Variants in FMN1 observed in about 807,000 individuals in gnomAD.
FMN1 encodes the protein formin 1.
FMN1 carries 110 observed loss-of-function variants against 132.4 expected under a neutral mutation model. The observed-to-expected ratio is 0.83, with a 90% CI of 0.71 to 0.97. The LOEUF (loss-of-function observed/expected upper bound fraction) is 0.97. Among genes scored for constraint, FMN1 ranks in the 50% least tolerant of loss-of-function variants. The probability of loss-of-function intolerance (pLI) is 0.00; values close to 1 mark genes in which losing one functional copy is unlikely to be tolerated. For missense variants in FMN1, 1,792 were observed against 1,705.3 expected (o/e 1.05, Z -0.90); for synonymous variants, 722 against 651.7 (o/e 1.11, Z -1.64).
intron 12 of FMN1, among the ~76,000 whole-genome samples, chr15:32,907,537 C>A (rs895198430): frequency 1.3e-5 from 2 of 151,624 alleles, no homozygotes; most frequent in Non-Finnish European, 2.9e-5. Context: ...CAGTCTGTGG[C>A]CCAGGGGTTG....
chr15:32,813,444 A>C (rs1224975233), intron 17 of FMN1, among the ~76,000 whole-genome samples: 1 of 152,134 alleles, frequency 6.6e-6, no homozygotes, highest in Non-Finnish European at 1.5e-5. Flanking sequence ...ATATATTTTC[A>C]CTAGAGATGA....
At chr15:33,157,016 C>T (rs756138264) in intron 3 of FMN1, among the ~76,000 whole-genome samples, 2 of 152,008 alleles carry the variant, frequency 1.3e-5, no homozygotes, top group Non-Finnish European at 2.9e-5. Flanking sequence ...GCCTGTAATC[C>T]CAGCACTTTG....
intron 6 of FMN1, among the ~76,000 whole-genome samples, chr15:33,027,431 C>T (rs1282670282): frequency 1.6e-4 from 25 of 152,148 alleles, no homozygotes; most frequent in Admixed American, 1.2e-3. Context: ...ACTCTAGGAA[C>T]TCTTAAGTAT....
chr15:32,935,789 A>G (rs2061253805), intron 9 of FMN1, among the ~76,000 whole-genome samples: 1 of 151,824 alleles, frequency 6.6e-6, no homozygotes, highest in East Asian at 1.9e-4. Flanking sequence ...CACCCCACAC[A>G]GCTAATTTTT....
chr15:32,765,725 G>T lies in FMN1; in HGVS notation c.*8585C>A, dbSNP rs1009014902. On this transcript the variant is annotated 3_prime_UTR_variant, in exon 21 of 21. Transcript: ENST00000616417. Reference sequence around the variant, plus strand: ...AGAATTTTTTGAATAGACAATTGACGTTTTTCTAATCAATATATATTATGT... The same window carrying T: ...AGAATTTTTTGAATAGACAATTGACTTTTTTCTAATCAATATATATTATGT... 6.6e-6 allele frequency: 1 copy of T among 151,944 alleles called. No individual in the cohort carries two copies. The highest frequency in any genetic ancestry group is 1.5e-5 in the Non-Finnish European group (1 of 67,996). 9.4% of individuals were successfully genotyped at this position (151,944 alleles called of 1,614,324 possible).
At chr15:33,118,252 G>T (rs116980703) in intron 4 of FMN1, among the ~76,000 whole-genome samples, 2 of 152,062 alleles carry the variant, frequency 1.3e-5, no homozygotes, top group Non-Finnish European at 2.9e-5. Context: ...CAATTATATC[G>T]TAAGAGATTT....
intron 6 of FMN1, among the ~76,000 whole-genome samples, chr15:33,056,108 A>G (rs183574942): frequency 4.7e-4 from 71 of 152,328 alleles, no homozygotes; most frequent in African/African-American, 1.6e-3. Flanking sequence ...GGATGTATAA[A>G]CTGATAAAAA....
chr15:33,070,422 A>G (rs926240706), intron 5 of FMN1, among the ~76,000 whole-genome samples: 1 of 148,478 alleles, frequency 6.7e-6, no homozygotes, highest in African/African-American at 2.5e-5. Flanking sequence ...GAAAAGACTC[A>G]ATTTCTCAGA....
intron 9 of FMN1, among the ~76,000 whole-genome samples, chr15:32,944,983 TTTAGACTTCTAG>T (rs748276286): frequency 6.6e-6 from 1 of 152,188 alleles, no homozygotes; most frequent in Non-Finnish European, 1.5e-5. Flanking sequence ...CAGCTTTGAT[TTTAGACTTCTAG>T]ACTCTAGAAT....
chr15:32,993,784 T>A (rs1279569841), intron 7 of FMN1, among the ~76,000 whole-genome samples: 1 of 151,356 alleles, frequency 6.6e-6, no homozygotes, highest in Non-Finnish European at 1.5e-5. Context: ...GAGCGTAAAT[T>A]CTCTCTTGAC....
chr15:32,805,631 A>AAAG (rs1354506215), intron 17 of FMN1, among the ~76,000 whole-genome samples: 10 of 152,352 alleles, frequency 6.6e-5, no homozygotes, highest in African/African-American at 1.4e-4. Flanking sequence ...GATACTTTTG[A>AAAG]GAGTAATGTT....
intron 4 of FMN1, among the ~76,000 whole-genome samples, chr15:33,128,600 C>T (rs2444959): frequency 0.89 from 135,520 of 152,252 alleles, 60,443 homozygotes; most frequent in East Asian, 0.97. Context: ...ACTTCACAAA[C>T]ATACCCGCGG....
chr15:32,826,451 A>T (rs1313362889), intron 17 of FMN1, among the ~76,000 whole-genome samples: 11 of 152,340 alleles, frequency 7.2e-5, no homozygotes, highest in Non-Finnish European at 1.5e-4. Flanking sequence ...TATGCTCAGA[A>T]ACTGATGGAA....
chr15:32,955,433 C>G (rs2061743622), intron 9 of FMN1, among the ~76,000 whole-genome samples: 1 of 152,128 alleles, frequency 6.6e-6, no homozygotes, highest in East Asian at 1.9e-4. Context: ...ATGATCTTTC[C>G]CTATTCTTGT....
chr15:33,170,469 T>C (rs1213917658), intron 3 of FMN1, among the ~76,000 whole-genome samples: 1 of 151,976 alleles, frequency 6.6e-6, no homozygotes, highest in Non-Finnish European at 1.5e-5. Flanking sequence ...AGACACAGCC[T>C]GTTGAATGGG....
chr15:32,952,955 A>G (rs1472116833), intron 9 of FMN1, among the ~76,000 whole-genome samples: 3 of 151,822 alleles, frequency 2.0e-5, no homozygotes, highest in African/African-American at 7.3e-5. Flanking sequence ...TAGCTTTTCC[A>G]CCCTCTTCTT....
intron 9 of FMN1, among the ~76,000 whole-genome samples, chr15:32,930,401 GT>G (rs1316794083): frequency 6.6e-6 from 1 of 150,980 alleles, no homozygotes; most frequent in Non-Finnish European, 1.5e-5. Context: ...AAAAAACTTG[GT>G]ATTTTTCAGT....
chr15:33,152,710 T>C (rs2140279769), intron 4 of FMN1, among the ~76,000 whole-genome samples: 1 of 146,050 alleles, frequency 6.8e-6, no homozygotes, highest in South Asian at 2.2e-4. Flanking sequence ...AGGGACAAGT[T>C]ACCACTTCTC....
rs993721380 is a variant in FMN1 at position 33,017,037 on chromosome 15, C to T, written c.2162-8962G>A. Among the ~76,000 whole-genome samples, 4 of 152,134 alleles carry T rather than the reference C, an allele frequency of 2.6e-5. No individual in the cohort carries two copies. The East Asian group carries it at 5.8e-4, about 22-fold the overall frequency. ...TGTGTGCAAACACATAATGCATCTG[C>T]GGTCATCAATATTGGCATCTCAATC... On this transcript the variant is annotated intron_variant, in intron 6 of 20. Coordinates refer to ENST00000616417, the MANE Select transcript of FMN1 (RefSeq NM_001277313.2).
Sources: gnomAD v4.1 joint callset for allele counts (sites outside exome capture counted in the v4.1 genomes callset) on GRCh38, gnomAD v4.1.1 for gene constraint, MANE v1.5 for transcripts, NCBI Gene and HGNC (gene_info 2026-07-23, HGNC 2026-07-21) for gene names.